The following WWOX variants were observed in gnomAD, a reference collection of about 807,000 sequenced individuals.
WWOX encodes the protein WW domain containing oxidoreductase.
A neutral mutation model predicts 46.2 loss-of-function variants in WWOX; 69 were observed. The observed-to-expected ratio is 1.49, with a 90% confidence interval of 1.23 to 1.82. The LOEUF (loss-of-function observed/expected upper bound fraction) is 1.82. WWOX is among the 40% of genes most tolerant of loss of function. The pLI is 0.00. For synonymous variants in WWOX, 359 were observed against 202.6 expected, an observed-to-expected ratio of 1.77 and a Z score of -6.56; for missense variants, 919 against 542.6, an observed-to-expected ratio of 1.69 and a Z score of -6.89.
intron 8 of WWOX, among the ~76,000 whole-genome samples, chr16:79,124,070 G>A (rs2049697806): frequency 6.6e-6 from 1 of 152,040 alleles, no homozygotes; most frequent in African/African-American, 2.4e-5. Flanking sequence ...TGTGGACTCG[G>A]AGCACTCGTG....
intron 8 of WWOX, among the ~76,000 whole-genome samples, chr16:78,712,277 G>A (rs2048460087): frequency 6.6e-6 from 1 of 152,126 alleles, no homozygotes; most frequent in South Asian, 2.1e-4. Flanking sequence ...GCCGAGGTGG[G>A]CAGATCATGA....
intron 5 of WWOX, among the ~76,000 whole-genome samples, chr16:78,227,123 G>A (rs377422178): frequency 9.2e-5 from 14 of 152,218 alleles, no homozygotes; most frequent in African/African-American, 1.2e-4. Flanking sequence ...ACGCGGGCTC[G>A]CAATATTACC....
At chr16:78,287,722 A>G (rs2079792780) in intron 5 of WWOX, among the ~76,000 whole-genome samples, 2 of 152,232 alleles carry the variant, frequency 1.3e-5, no homozygotes, top group Admixed American at 6.5e-5. Context: ...GATTCATGAT[A>G]TAAATTTTTA....
intron 8 of WWOX, among the ~76,000 whole-genome samples, chr16:79,120,698 C>G (rs2049611996): frequency 6.6e-6 from 1 of 152,214 alleles, no homozygotes; most frequent in African/African-American, 2.4e-5. Context: ...GGTCACATTA[C>G]TCTATCTGTG....
At chr16:78,145,793 G>T (rs1292393847) in intron 4 of WWOX, 1 of 152,138 alleles carries the variant, frequency 6.6e-6, no homozygotes, top group Non-Finnish European at 1.5e-5. Flanking sequence ...AGTCCTATTG[G>T]ATTAGGGCTC....
chr16:78,915,726 C>G (rs969809644), intron 8 of WWOX, among the ~76,000 whole-genome samples: 6 of 152,140 alleles, frequency 3.9e-5, no homozygotes, highest in African/African-American at 1.4e-4. Context: ...AGTTCTCATC[C>G]CGTCATCTGC....
At position 78,799,918 on chromosome 16, in the gene WWOX, A is replaced by C. The variant is rs186007417; in HGVS notation, c.1056+367166A>C. On this transcript the variant is annotated intron_variant, in intron 8 of 8. Coordinates refer to ENST00000566780, the MANE Select transcript of WWOX (RefSeq NM_016373.4). The stretch of plus-strand genomic sequence containing the variant: ...CTATGTGAATGACTACTTTTCCCTG[A>C]AATACGTCCTCCATCTCAGGCACTA... Among the ~76,000 whole-genome samples the C allele has an allele frequency of 2.2e-3, 340 of 152,264 alleles. 1 individual carries two copies. The highest frequency in any genetic ancestry group is 7.7e-3 in the African/African-American group (321 of 41,552).
chr16:78,378,687 G>A (rs35363757), intron 5 of WWOX, among the ~76,000 whole-genome samples: 2 of 151,886 alleles, frequency 1.3e-5, no homozygotes, highest in African/African-American at 4.8e-5. Context: ...TCAGGACTGA[G>A]AGTATGTAAA....
chr16:79,133,670 T>C (rs1176591382), intron 8 of WWOX, among the ~76,000 whole-genome samples: 4 of 152,204 alleles, frequency 2.6e-5, no homozygotes, highest in East Asian at 3.9e-4. Flanking sequence ...GCCGGTGGCC[T>C]GCACTGGGGA....
At chr16:78,165,711 T>C (rs1161194399) in intron 5 of WWOX, among the ~76,000 whole-genome samples, 2 of 152,186 alleles carry the variant, frequency 1.3e-5, no homozygotes, top group African/African-American at 4.8e-5. Context: ...GACTACAGTG[T>C]ACTTAAGAAA....
intron 8 of WWOX, among the ~76,000 whole-genome samples, chr16:78,771,636 G>A (rs1450384495): frequency 6.6e-6 from 1 of 152,134 alleles, no homozygotes; most frequent in Non-Finnish European, 1.5e-5. Context: ...GGCGGGCATT[G>A]TGGTGGGTGT....
chr16:78,992,270 G>A (rs1693308895), intron 8 of WWOX, among the ~76,000 whole-genome samples: 1 of 151,078 alleles, frequency 6.6e-6, no homozygotes, highest in Admixed American at 6.6e-5. Context: ...TTATCTGCCT[G>A]TACAGTGTTC....
intron 8 of WWOX, among the ~76,000 whole-genome samples, chr16:78,624,986 C>T (rs1281935761): frequency 6.6e-5 from 10 of 152,120 alleles, no homozygotes; most frequent in South Asian, 4.1e-4. Context: ...TTAATGTCCC[C>T]GCTGACCCTG....
At chr16:78,353,400 G>C (rs184863173) in intron 5 of WWOX, among the ~76,000 whole-genome samples, 2 of 152,292 alleles carry the variant, frequency 1.3e-5, no homozygotes, top group East Asian at 1.9e-4. Flanking sequence ...CCTTCCAGGG[G>C]TGTAAGCCAA....
At chr16:78,160,026 T>C (rs77451018) in intron 4 of WWOX, among the ~76,000 whole-genome samples, 20,198 of 152,032 alleles carry the variant, frequency 0.13, 1,575 homozygotes, top group East Asian at 0.22. Flanking sequence ...TTTTAGCTTC[T>C]TTTTTTCTCT....
chr16:78,665,503 A>T (rs2047309573), intron 8 of WWOX, among the ~76,000 whole-genome samples: 1 of 152,024 alleles, frequency 6.6e-6, no homozygotes, highest in South Asian at 2.1e-4. Flanking sequence ...GGGGCAAGAG[A>T]CGTGTGTCTC....
chr16:78,554,400 C>G (rs753665161), intron 8 of WWOX, among the ~76,000 whole-genome samples: 10 of 152,224 alleles, frequency 6.6e-5, no homozygotes, highest in Admixed American at 1.3e-4. Context: ...AAAATTGCAA[C>G]CTGAGGCATA....
chr16:78,576,588 A>G (rs549790950), intron 8 of WWOX, among the ~76,000 whole-genome samples: 94 of 152,282 alleles, frequency 6.2e-4, no homozygotes, highest in Middle Eastern at 3.4e-3. Context: ...ATCCTAGCAC[A>G]TTGGATGGCC....
intron 8 of WWOX, among the ~76,000 whole-genome samples, chr16:78,881,460 A>T (rs1039555409): frequency 1.3e-5 from 2 of 152,238 alleles, no homozygotes; most frequent in African/African-American, 4.8e-5. Flanking sequence ...AGAGAATAAA[A>T]GTTTCCAATG....
Sources: gnomAD v4.1 joint callset for allele counts (sites outside exome capture counted in the v4.1 genomes callset) on GRCh38, gnomAD v4.1.1 for gene constraint, MANE v1.5 for transcripts, NCBI Gene and HGNC (gene_info 2026-07-23, HGNC 2026-07-21) for gene names.